The following B3GALNT2 variants were observed in gnomAD, a reference collection of about 807,000 sequenced individuals.
The protein encoded by B3GALNT2 is beta-1,3-N-acetylgalactosaminyltransferase 2.
A neutral mutation model predicts 61.1 loss-of-function variants in B3GALNT2; 53 were observed. The observed-to-expected ratio is 0.87, with a 90% confidence interval of 0.70 to 1.09. B3GALNT2 has a LOEUF of 1.09. Ranked by LOEUF, B3GALNT2 falls within the 50% of genes least tolerant of loss-of-function variation. B3GALNT2 has a pLI of 0.00. For missense variants in B3GALNT2, 544 were observed against 623.0 expected (o/e 0.87, Z 1.35); for synonymous variants, 223 against 237.4 (o/e 0.94, Z 0.56).
intron 6 of B3GALNT2, among the ~76,000 whole-genome samples, chr1:235,466,197 TA>T (rs1163579650): frequency 5.1e-4 from 77 of 150,162 alleles, no homozygotes; most frequent in African/African-American, 1.2e-3. Flanking sequence ...GTATATTGAT[TA>T]AAAAAAAATT....
intron 4 of B3GALNT2, among the ~76,000 whole-genome samples, chr1:235,480,905 CAAAAAAAAAAAAAAAAAAAAA>C (rs55666590): frequency 1.2e-3 from 37 of 31,172 alleles, no homozygotes; most frequent in Non-Finnish European, 1.7e-3. Context: ...GACTCTGTCT[CAAAAAAAAAAAAAAAAAAAAA>C]AAAAAAAAAA....
At chr1:235,499,333 G>A (rs773277448) in intron 1 of B3GALNT2, among the ~76,000 whole-genome samples, 4 of 152,198 alleles carry the variant, frequency 2.6e-5, no homozygotes, top group African/African-American at 9.7e-5. Flanking sequence ...AACTTCTGAA[G>A]CACTGATAGT....
chr1:235,478,278 C>T (rs191126560), intron 5 of B3GALNT2, among the ~76,000 whole-genome samples: 3 of 152,168 alleles, frequency 2.0e-5, no homozygotes, highest in Admixed American at 1.3e-4. Context: ...GTCTTGAACT[C>T]CTCACCTTGT....
Position 235,449,041 on chromosome 1 carries a change from A to G in B3GALNT2, c.*1165T>C. 2.9e-6 allele frequency: 1 copy of G among 350,626 alleles called. No homozygotes were observed. The highest frequency in any genetic ancestry group is 2.5e-5 in the South Asian group (1 of 39,444). 21.7% of individuals were successfully genotyped at this position (350,626 alleles called of 1,614,324 possible). On this transcript the variant is annotated 3_prime_UTR_variant, in exon 12 of 12. Transcript: ENST00000366600. ...ATTTCATGATAAGATTTAAATATTA[A>G]ATAGAAAGAAACTAGCTAGCCTAAT...
chr1:235,460,118 TC>T (rs1683352124), intron 7 of B3GALNT2, among the ~76,000 whole-genome samples: 1 of 147,058 alleles, frequency 6.8e-6, no homozygotes, highest in Non-Finnish European at 1.5e-5. Context: ...CTTTCCTCTT[TC>T]TTTTTTGTTT....
At chr1:235,476,115 C>T (rs781513571) in intron 5 of B3GALNT2, among the ~76,000 whole-genome samples, 75 of 152,152 alleles carry the variant, frequency 4.9e-4, no homozygotes, top group Admixed American at 2.9e-3. Context: ...CTCTTAATAA[C>T]TAGACCTGGT....
rs1279640035 is a variant in B3GALNT2, at chr1:235,447,258, A to C, written c.*2948T>G. On this transcript the variant is annotated 3_prime_UTR_variant, in exon 12 of 12. Transcript: ENST00000366600. Reference sequence around the variant, plus strand: ...ACATTTATTATCACAAGTTGGATAAAAACACACAGCTTTTACAAAAATGAT... The same window carrying C: ...ACATTTATTATCACAAGTTGGATAACAACACACAGCTTTTACAAAAATGAT... Among the ~76,000 whole-genome samples, 1 of 152,232 alleles carries C rather than the reference A, an allele frequency of 6.6e-6. No homozygotes were observed. The highest frequency in any genetic ancestry group is 1.5e-5 in the Non-Finnish European group (1 of 68,032).
intron 5 of B3GALNT2, among the ~76,000 whole-genome samples, chr1:235,473,057 G>A (rs1684075570): frequency 6.6e-6 from 1 of 152,158 alleles, no homozygotes; most frequent in South Asian, 2.1e-4. Flanking sequence ...TGGGATTACA[G>A]GAATGTGCCA....
intron 6 of B3GALNT2, among the ~76,000 whole-genome samples, chr1:235,469,416 T>C (rs535821727): frequency 1.3e-5 from 2 of 152,254 alleles, no homozygotes; most frequent in Non-Finnish European, 2.9e-5. Flanking sequence ...CCTGCTTTAT[T>C]GACCTATATT....
chr1:235,480,053 C>T lies in B3GALNT2; in HGVS notation c.651+1G>A. ...TACAGTCTTTTCCTGCCATCCTGTA[C>T]CTCTGGTAAGATGAATTGTTCCACG... On this transcript the variant is annotated splice_donor_variant, in intron 5 of 11. Coordinates refer to ENST00000366600, the MANE Select transcript of B3GALNT2 (RefSeq NM_152490.5). LOFTEE classifies it high-confidence loss of function. 1.2e-6 allele frequency: 2 copies of T among 1,613,788 alleles called. No homozygotes were observed. The highest frequency in any genetic ancestry group is 1.7e-6 in the Non-Finnish European group (2 of 1,179,784).
intron 3 of B3GALNT2, among the ~76,000 whole-genome samples, chr1:235,485,980 A>G (rs576252331): frequency 6.6e-6 from 1 of 152,260 alleles, no homozygotes; most frequent in South Asian, 2.1e-4. Context: ...AATCCCACCT[A>G]CTTGGGAGGC....
intron 4 of B3GALNT2, among the ~76,000 whole-genome samples, chr1:235,482,938 AC>A: frequency 6.6e-6 from 1 of 152,318 alleles, no homozygotes; most frequent in East Asian, 1.9e-4. Flanking sequence ...ATAAAGACAG[AC>A]GCTGAGATGA....
At chr1:235,468,392 C>T (rs1683819561) in intron 6 of B3GALNT2, among the ~76,000 whole-genome samples, 1 of 150,770 alleles carries the variant, frequency 6.6e-6, no homozygotes, top group African/African-American at 2.4e-5. Context: ...TTTTTACTCC[C>T]AAAGGCAGAT....
downstream of B3GALNT2, among the ~76,000 whole-genome samples, chr1:235,445,074 T>TAG (rs561676825): frequency 3.8e-3 from 578 of 152,380 alleles, 4 homozygotes; most frequent in African/African-American, 0.013. Context: ...AATCTTTGGG[T>TAG]AGCTAGCAGA....
At chr1:235,503,490 A>G (rs147675903) in intron 1 of B3GALNT2, among the ~76,000 whole-genome samples, 31 of 152,362 alleles carry the variant, frequency 2.0e-4, no homozygotes, top group Admixed American at 7.8e-4. Context: ...AAAGAATTTG[A>G]TATTTCCATG....
At chr1:235,501,752 A>C (rs1387857825) in intron 1 of B3GALNT2, among the ~76,000 whole-genome samples, 2 of 152,216 alleles carry the variant, frequency 1.3e-5, no homozygotes, top group Non-Finnish European at 2.9e-5. Context: ...ACAAAGCAGC[A>C]GAAGAGAAAA....
downstream of B3GALNT2, among the ~76,000 whole-genome samples, chr1:235,444,950 A>G (rs1682144901): frequency 6.6e-6 from 1 of 152,264 alleles, no homozygotes; most frequent in African/African-American, 2.4e-5. Flanking sequence ...TGGGGGTGAC[A>G]GTGCCGCCTT....
chr1:235,501,460 C>T (rs1394783492), intron 1 of B3GALNT2, among the ~76,000 whole-genome samples: 2 of 152,224 alleles, frequency 1.3e-5, no homozygotes, highest in Non-Finnish European at 1.5e-5. Flanking sequence ...CTTAACACTG[C>T]TTTATCTTTT....
At chr1:235,467,430 CGTT>C (rs1197640837) in intron 6 of B3GALNT2, among the ~76,000 whole-genome samples, 2 of 151,018 alleles carry the variant, frequency 1.3e-5, no homozygotes, top group African/African-American at 4.9e-5. Context: ...TAGATTCCAA[CGTT>C]GTAGTTCCAT....
Sources: gnomAD v4.1 joint callset for allele counts (sites outside exome capture counted in the v4.1 genomes callset) on GRCh38, gnomAD v4.1.1 for gene constraint, MANE v1.5 for transcripts, NCBI Gene and HGNC (gene_info 2026-07-23, HGNC 2026-07-21) for gene names.